KCNB2: variants seen among roughly 807,000 people sequenced by gnomAD.
KCNB2 encodes the protein delayed rectifier potassium channel protein.
KCNB2 carries 15 observed loss-of-function variants against 61.5 expected under a neutral mutation model. That is an observed-to-expected ratio of 0.24 (90% CI 0.16 to 0.38). KCNB2 has a LOEUF of 0.38. Ranked by LOEUF, KCNB2 falls within the 10% of genes least tolerant of loss-of-function variation. The pLI is 1.00. For synonymous variants in KCNB2, 457 were observed against 446.0 expected (o/e 1.02, Z -0.31); for missense variants, 828 against 1,125.2 (o/e 0.74, Z 3.78).
At chr8:72,866,346 A>T (rs1479376460) in intron 2 of KCNB2, among the ~76,000 whole-genome samples, 1 of 152,196 alleles carries the variant, frequency 6.6e-6, no homozygotes, top group East Asian at 1.9e-4. Context: ...TGAATTCAGT[A>T]AAGTGCCCAT....
intron 2 of KCNB2, among the ~76,000 whole-genome samples, chr8:72,624,764 A>G (rs1193418955): frequency 2.0e-5 from 3 of 152,214 alleles, no homozygotes; most frequent in African/African-American, 7.2e-5. Context: ...TAAAAACAAC[A>G]GAGTAGGGCA....
chr8:72,917,708 T>C (rs142712843), intron 2 of KCNB2, among the ~76,000 whole-genome samples: 6 of 152,330 alleles, frequency 3.9e-5, no homozygotes, highest in Admixed American at 2.0e-4. Context: ...TTTCCAGTAA[T>C]ATCAGCTTTA....
At position 72,730,255 on chromosome 8, in the gene KCNB2, C is replaced by T. The variant is rs75042142; in HGVS notation, c.579+161942C>T. Among the ~76,000 whole-genome samples the T allele has an allele frequency of 2.3e-3, 345 of 152,312 alleles. 1 individual carries two copies. Among genetic ancestry groups the T allele is most frequent in the African/African-American group, 6.4e-3 (267 of 41,566 alleles). On this transcript the variant is annotated intron_variant, in intron 2 of 2. Transcript: ENST00000523207. ...TACATTTATAGTTTTGCTTTCGATG[C>T]ATCTCCCCTTGCGACTTTTCTTTTC...
At position 72,787,579 on chromosome 8, in the gene KCNB2, A is replaced by C. The variant is rs1265783805; in HGVS notation, c.580-148356A>C. Among the ~76,000 whole-genome samples the C allele has an allele frequency of 3.3e-5, 5 of 152,126 alleles. No homozygotes were observed. In the East Asian group the frequency reaches 9.7e-4, roughly 29 times the overall value. Reference sequence around the variant, plus strand: ...AAAACTCCAGACAGATCTTCACACAAATTGCTTAGCAAGGGTCTTTAAGGA... The same window carrying C: ...AAAACTCCAGACAGATCTTCACACACATTGCTTAGCAAGGGTCTTTAAGGA... On this transcript the variant is annotated intron_variant, in intron 2 of 2. Coordinates refer to ENST00000523207, the MANE Select transcript of KCNB2 (RefSeq NM_004770.3).
chr8:72,785,247 T>C (rs551095274), intron 2 of KCNB2, among the ~76,000 whole-genome samples: 1 of 152,276 alleles, frequency 6.6e-6, no homozygotes, highest in African/African-American at 2.4e-5. Context: ...AGGAATTAAA[T>C]TGATATGAGT....
intron 2 of KCNB2, among the ~76,000 whole-genome samples, chr8:72,816,268 A>G (rs1422567252): frequency 6.6e-6 from 1 of 152,202 alleles, no homozygotes; most frequent in Non-Finnish European, 1.5e-5. Context: ...TTTAAGCTAG[A>G]TCCCTGAACC....
chr8:72,815,472 C>T (rs763526429), intron 2 of KCNB2, among the ~76,000 whole-genome samples: 14 of 152,182 alleles, frequency 9.2e-5, no homozygotes, highest in South Asian at 2.1e-4. Context: ...TCTTCATTCC[C>T]CATAGACTAT....
rs542475272 is a variant in KCNB2, at chr8:72,640,317, A to G, written c.579+72004A>G. On this transcript the variant is annotated intron_variant, in intron 2 of 2. Coordinates refer to ENST00000523207, the MANE Select transcript of KCNB2 (RefSeq NM_004770.3). The stretch of plus-strand genomic sequence containing the variant: ...GAGCTAAATATGTGCTTGTAAAATG[A>G]ATCAAGGAGGAATGAGTAAGTGAAC... 2.6e-5 allele frequency among the ~76,000 whole-genome samples: 4 copies of G among 152,246 alleles called. No homozygotes were observed. The East Asian group carries it at 5.8e-4, about 22-fold the overall frequency.
rs143523052 is a variant in KCNB2, at chr8:72,847,781, T to A, written c.580-88154T>A. ...CACAAAACACCAAATATATTCACCA[T>A]AATATCCCAGATATTCCAGGCAAAT... is the stretch of plus-strand genomic sequence containing the variant. On this transcript the variant is annotated intron_variant, in intron 2 of 2. Transcript: ENST00000523207. 5.3e-5 allele frequency among the ~76,000 whole-genome samples: 8 copies of A among 152,272 alleles called. No individual in the cohort carries two copies. The East Asian group carries it at 1.6e-3, about 30-fold the overall frequency.
chr8:72,655,791 A>C (rs891090789), intron 2 of KCNB2, among the ~76,000 whole-genome samples: 2 of 152,154 alleles, frequency 1.3e-5, no homozygotes, highest in Non-Finnish European at 2.9e-5. Flanking sequence ...ATTATTCTAA[A>C]AGATGGCATG....
chr8:72,561,720 T>C (rs866671136), intron 1 of KCNB2, among the ~76,000 whole-genome samples: 5,447 of 31,344 alleles, frequency 0.17, 739 homozygotes, highest in African/African-American at 0.46. Context: ...TATATATATA[T>C]ATATATATCT....
intron 2 of KCNB2, among the ~76,000 whole-genome samples, chr8:72,573,820 C>T (rs1377793605): frequency 6.6e-6 from 1 of 152,184 alleles, no homozygotes; most frequent in Non-Finnish European, 1.5e-5. Flanking sequence ...CTGTGTACTA[C>T]GCAGTACTCT....
intron 2 of KCNB2, among the ~76,000 whole-genome samples, chr8:72,576,881 G>A (rs1806802628): frequency 6.6e-6 from 1 of 152,184 alleles, no homozygotes. Flanking sequence ...ATGGATGAAT[G>A]AGGAACAGAG....
chr8:72,803,078 G>C lies in KCNB2; in HGVS notation c.580-132857G>C, dbSNP rs115225660. ...CACATCCTCACTGCTGACAACTGTA[G>C]CTCTGTGTCCATGGTCTCGACCTGT... On this transcript the variant is annotated intron_variant, in intron 2 of 2. Transcript: ENST00000523207. Among the ~76,000 whole-genome samples the C allele has an allele frequency of 6.3e-3, 960 of 152,282 alleles. 6 individuals carry two copies. Among genetic ancestry groups the C allele is most frequent in the African/African-American group, 0.021 (886 of 41,548 alleles).
At chr8:72,796,361 AAAGGATAT>A (rs1809030765) in intron 2 of KCNB2, among the ~76,000 whole-genome samples, 1 of 152,238 alleles carries the variant, frequency 6.6e-6, no homozygotes, top group African/African-American at 2.4e-5. Flanking sequence ...CTTATGTATT[AAAGGATAT>A]AAAGATAAAT....
chr8:72,849,945 C>A (rs1810064896), intron 2 of KCNB2, among the ~76,000 whole-genome samples: 1 of 152,090 alleles, frequency 6.6e-6, no homozygotes, highest in Non-Finnish European at 1.5e-5. Context: ...ACAACACCCA[C>A]CATTTGTCAA....
chr8:72,656,654 C>T (rs965499698), intron 2 of KCNB2, among the ~76,000 whole-genome samples: 1 of 152,094 alleles, frequency 6.6e-6, no homozygotes, highest in Non-Finnish European at 1.5e-5. Context: ...ACAATTTGGT[C>T]GTTTTCTAAG....
intron 2 of KCNB2, among the ~76,000 whole-genome samples, chr8:72,634,243 G>C (rs558980837): frequency 2.0e-5 from 3 of 152,200 alleles, no homozygotes; most frequent in Non-Finnish European, 4.4e-5. Flanking sequence ...AAAGTGGAAG[G>C]GGAAGTAGGA....
chr8:72,767,826 C>T (rs569640977), intron 2 of KCNB2, among the ~76,000 whole-genome samples: 2 of 152,182 alleles, frequency 1.3e-5, no homozygotes, highest in Non-Finnish European at 2.9e-5. Context: ...ATTTTGCATT[C>T]CCACCAGCAA....
Sources: allele counts gnomAD v4.1 joint callset (sites outside exome capture counted in the v4.1 genomes callset), GRCh38; gene constraint gnomAD v4.1.1; transcripts MANE v1.5; gene names NCBI Gene and HGNC (gene_info 2026-07-23, HGNC 2026-07-21).